The following MACROD2 variants were observed in gnomAD, a reference collection of about 807,000 sequenced individuals.
The protein encoded by MACROD2 is ADP-ribose glycohydrolase MACROD2.
A neutral mutation model predicts 70.4 loss-of-function variants in MACROD2; 36 were observed. The ratio of observed to expected loss-of-function variants is 0.51; its 90% CI spans 0.39 to 0.68. The LOEUF (loss-of-function observed/expected upper bound fraction) is 0.68, where lower values mean the gene tolerates loss of function less well. MACROD2 is among the 30% of genes least tolerant of loss of function. The pLI is 0.00. For synonymous variants in MACROD2, 172 were observed against 178.8 expected, an observed-to-expected ratio of 0.96 and a Z score of 0.30; for missense variants, 496 against 538.4, an observed-to-expected ratio of 0.92 and a Z score of 0.78.
intron 10 of MACROD2, among the ~76,000 whole-genome samples, chr20:15,888,612 G>A (rs2147215097): frequency 6.6e-6 from 1 of 152,232 alleles, no homozygotes; most frequent in Admixed American, 6.5e-5. Context: ...AGCATTTGAG[G>A]TTCAGCGGCA....
chr20:15,115,060 T>C (rs1036847634), intron 5 of MACROD2, among the ~76,000 whole-genome samples: 3 of 152,182 alleles, frequency 2.0e-5, no homozygotes, highest in Non-Finnish European at 4.4e-5. Flanking sequence ...AACTTCCTTT[T>C]TTATTCTGTG....
intron 8 of MACROD2, among the ~76,000 whole-genome samples, chr20:15,693,446 G>T (rs1423391131): frequency 6.6e-6 from 1 of 152,090 alleles, no homozygotes; most frequent in Admixed American, 6.6e-5. Context: ...ATTCTTGAGG[G>T]CAGGACTTGA....
chr20:15,252,160 T>G (rs575203584), intron 6 of MACROD2, among the ~76,000 whole-genome samples: 251 of 152,348 alleles, frequency 1.6e-3, no homozygotes, highest in African/African-American at 5.9e-3. Context: ...GGAGCTATAC[T>G]AGGCTTCTGT....
chr20:15,618,163 G>A (rs73103717), intron 8 of MACROD2, among the ~76,000 whole-genome samples: 1,752 of 144,900 alleles, frequency 0.012, 20 homozygotes, highest in Non-Finnish European at 0.02. Flanking sequence ...GGGCTCTTGG[G>A]GCTCCCCACA....
chr20:14,241,440 G>A (rs950151977), intron 3 of MACROD2, among the ~76,000 whole-genome samples: 6 of 151,994 alleles, frequency 3.9e-5, no homozygotes, highest in Non-Finnish European at 5.9e-5. Context: ...CCACTGCTGG[G>A]AATTCAATGG....
chr20:15,729,845 T>TTTTTTTTTTTTTG (rs1302765711), intron 8 of MACROD2, among the ~76,000 whole-genome samples: 3 of 144,562 alleles, frequency 2.1e-5, no homozygotes, highest in African/African-American at 5.1e-5. Flanking sequence ...TTTTTTTTTT[T>TTTTTTTTTTTTTG]TGGATGGAGT....
chr20:15,491,187 C>A (rs887574734), intron 7 of MACROD2, among the ~76,000 whole-genome samples: 20 of 152,100 alleles, frequency 1.3e-4, no homozygotes, highest in African/African-American at 3.9e-4. Context: ...CCAATGTGTG[C>A]CTGGACTAGA....
intron 8 of MACROD2, among the ~76,000 whole-genome samples, chr20:15,730,692 C>T (rs1176592239): frequency 1.3e-5 from 2 of 151,552 alleles, no homozygotes; most frequent in African/African-American, 4.8e-5. Flanking sequence ...CCGTATCTTG[C>T]AAGGATTCTC....
At chr20:15,014,463 G>A (rs1380291507) in intron 5 of MACROD2, among the ~76,000 whole-genome samples, 1 of 152,096 alleles carries the variant, frequency 6.6e-6, no homozygotes, top group Non-Finnish European at 1.5e-5. Context: ...TATATGAAAT[G>A]ATTAAAAACA....
intron 6 of MACROD2, among the ~76,000 whole-genome samples, chr20:15,335,734 T>C (rs1447279094): frequency 6.6e-6 from 1 of 151,698 alleles, no homozygotes; most frequent in Non-Finnish European, 1.5e-5. Context: ...CAAAATTTCT[T>C]ATGTAGAAAC....
chr20:15,893,636 A>AC, intron 10 of MACROD2: 1 of 444,498 alleles, frequency 2.2e-6, no homozygotes, highest in Non-Finnish European at 4.5e-6. Flanking sequence ...TGAACCTCAA[A>AC]CCTAAGAGTA....
intron 5 of MACROD2, among the ~76,000 whole-genome samples, chr20:14,931,423 G>A (rs1479228761): frequency 3.9e-5 from 6 of 152,076 alleles, no homozygotes; most frequent in African/African-American, 1.4e-4. Context: ...CCAAATGATA[G>A]GCCAGGGGTT....
intron 8 of MACROD2, among the ~76,000 whole-genome samples, chr20:15,811,174 T>G (rs1392888895): frequency 4.6e-5 from 7 of 152,000 alleles, no homozygotes. Flanking sequence ...GAGAAAATTT[T>G]CACAACCTAC....
chr20:15,088,624 C>T (rs1299467632), intron 5 of MACROD2, among the ~76,000 whole-genome samples: 1 of 151,438 alleles, frequency 6.6e-6, no homozygotes, highest in Non-Finnish European at 1.5e-5. Flanking sequence ...ATGAACATCA[C>T]TTATACATTT....
chr20:15,209,115 G>GTGGTGGTGGTATTTATT (rs368782146), intron 5 of MACROD2, among the ~76,000 whole-genome samples: 26 of 147,068 alleles, frequency 1.8e-4, no homozygotes, highest in Non-Finnish European at 3.0e-5. Flanking sequence ...GGTGGTGGTG[G>GTGGTGGTGGTATTTATT]TATTTATTTA....
chr20:15,204,942 G>A (rs17361675), intron 5 of MACROD2, among the ~76,000 whole-genome samples: 10,221 of 152,134 alleles, frequency 0.067, 459 homozygotes, highest in Non-Finnish European at 0.1. Flanking sequence ...TGCATGTAGG[G>A]AATAGAACAG....
At chr20:15,500,350 A>T (rs1055554160) in intron 8 of MACROD2, among the ~76,000 whole-genome samples, 1 of 152,300 alleles carries the variant, frequency 6.6e-6, no homozygotes, top group African/African-American at 2.4e-5. Context: ...GGGATTTCTT[A>T]TGAAACTAAA....
chr20:14,818,520 AAC>A (rs1348631649), intron 5 of MACROD2, among the ~76,000 whole-genome samples: 1 of 152,046 alleles, frequency 6.6e-6, no homozygotes, highest in Non-Finnish European at 1.5e-5. Flanking sequence ...CTGTGGCTGA[AAC>A]ATTCAGATGA....
At chr20:14,592,132 G>C (rs1981812177) in intron 4 of MACROD2, among the ~76,000 whole-genome samples, 1 of 152,032 alleles carries the variant, frequency 6.6e-6, no homozygotes, top group South Asian at 2.1e-4. Flanking sequence ...GGATAGGAAG[G>C]GTTTATTTGG....
Sources: gnomAD v4.1 joint callset for allele counts (sites outside exome capture counted in the v4.1 genomes callset) on GRCh38, gnomAD v4.1.1 for gene constraint, MANE v1.5 for transcripts, NCBI Gene and HGNC (gene_info 2026-07-23, HGNC 2026-07-21) for gene names.